The following CDH1 variants were observed in gnomAD, a reference collection of about 807,000 sequenced individuals.
CDH1 encodes cadherin 1.
A neutral mutation model predicts 84.5 loss-of-function variants in CDH1; 35 were observed. The observed-to-expected ratio is 0.41, with a 90% confidence interval of 0.32 to 0.55. The LOEUF is 0.55. Ranked by LOEUF, CDH1 falls within the 20% of genes least tolerant of loss-of-function variation. The pLI is 0.19. For missense variants in CDH1, 994 were observed against 1,126.6 expected, an observed-to-expected ratio of 0.88 and a Z score of 1.68; for synonymous variants, 417 against 439.0, an observed-to-expected ratio of 0.95 and a Z score of 0.63.
chr16:68,738,964 T>TTTTTTTTTTTTTCA (rs555202424), intron 2 of CDH1, among the ~76,000 whole-genome samples: 1 of 65,364 alleles, frequency 1.5e-5, no homozygotes, highest in Non-Finnish European at 2.8e-5. Flanking sequence ...TTTTTTTTTT[T>TTTTTTTTTTTTTCA]AAAGACAGGG....
At chr16:68,783,559 A>T (rs913657745) in intron 2 of CDH1, among the ~76,000 whole-genome samples, 1 of 152,150 alleles carries the variant, frequency 6.6e-6, no homozygotes, top group Non-Finnish European at 1.5e-5. Flanking sequence ...CCTTCTGAAG[A>T]TATTCTAAGC....
At chr16:68,832,172 G>C (rs1961501532) in intron 15 of CDH1, among the ~76,000 whole-genome samples, 1 of 151,914 alleles carries the variant, frequency 6.6e-6, no homozygotes, top group South Asian at 2.1e-4. Flanking sequence ...ATAACTACTG[G>C]GTACTGGGCT....
At chr16:68,780,750 C>G (rs977730022) in intron 2 of CDH1, among the ~76,000 whole-genome samples, 1 of 152,186 alleles carries the variant, frequency 6.6e-6, no homozygotes, top group African/African-American at 2.4e-5. Flanking sequence ...ACCTCATTCT[C>G]GTGATTTCAT....
Position 68,833,561 on chromosome 16 carries a change from G to A in CDH1, c.*62G>A, listed in dbSNP as rs2152144362. On this transcript the variant is annotated 3_prime_UTR_variant, in exon 16 of 16. Coordinates refer to ENST00000261769, the MANE Select transcript of CDH1 (RefSeq NM_004360.5). ...GGGAAATGCAGAAATCACGTTGCTG[G>A]TGGTTTTTCAGCTCCCTTCCCTTGA... 7.2e-7 allele frequency: 1 copy of A among 1,391,670 alleles called. No homozygotes were observed. Among genetic ancestry groups the A allele is most frequent in the Non-Finnish European group, 1.0e-6 (1 of 979,998 alleles). The allele number at this position is 1,391,670 out of a possible 1,614,324, so 86.2% of individuals were successfully genotyped here.
At chr16:68,754,864 A>C (rs936023210) in intron 2 of CDH1, among the ~76,000 whole-genome samples, 2 of 152,188 alleles carry the variant, frequency 1.3e-5, no homozygotes, top group Non-Finnish European at 2.9e-5. Context: ...GATGTATGGA[A>C]GAAAGAATAA....
chr16:68,828,422 G>C, intron 14 of CDH1, 118 bp downstream of exon 14: 1 of 1,004,460 alleles, frequency 1.0e-6, no homozygotes, highest in Non-Finnish European at 1.5e-6. Context: ...ATCTTTTTAA[G>C]GCCTTACCCA....
At chr16:68,803,917 C>T (rs527710573) in intron 3 of CDH1, among the ~76,000 whole-genome samples, 8 of 152,108 alleles carry the variant, frequency 5.3e-5, no homozygotes, top group African/African-American at 1.7e-4. Context: ...CCAGGTTCCC[C>T]CTTTCCTTTT....
intron 2 of CDH1, among the ~76,000 whole-genome samples, chr16:68,771,429 G>A (rs1341262801): frequency 2.0e-5 from 3 of 152,088 alleles, no homozygotes; most frequent in Non-Finnish European, 4.4e-5. Flanking sequence ...TGGGACCATA[G>A]GCACGTGCCA....
At chr16:68,830,835 A>G (rs1345410827) in intron 15 of CDH1, among the ~76,000 whole-genome samples, 2 of 152,192 alleles carry the variant, frequency 1.3e-5, no homozygotes, top group Admixed American at 6.5e-5. Context: ...GTTATTGGCC[A>G]GAACTATCAG....
chr16:68,749,253 G>T (rs2152117098), intron 2 of CDH1, among the ~76,000 whole-genome samples: 1 of 152,338 alleles, frequency 6.6e-6, no homozygotes, highest in African/African-American at 2.4e-5. Context: ...AGAGGAGAAA[G>T]AGGAACAATT....
At chr16:68,809,495 C>A (rs534444585) in intron 5 of CDH1, among the ~76,000 whole-genome samples, 109 of 151,488 alleles carry the variant, frequency 7.2e-4, no homozygotes, top group African/African-American at 2.5e-3. Flanking sequence ...AGCCACTGCA[C>A]CCGGCCTACA....
intron 3 of CDH1, among the ~76,000 whole-genome samples, chr16:68,804,487 T>C (rs1424455147): frequency 6.6e-6 from 1 of 152,166 alleles, no homozygotes; most frequent in East Asian, 1.9e-4. Flanking sequence ...AAATTTAGCC[T>C]CATGACCACA....
chr16:68,756,702 T>G (rs1963026919), intron 2 of CDH1, among the ~76,000 whole-genome samples: 1 of 152,180 alleles, frequency 6.6e-6, no homozygotes, highest in South Asian at 2.1e-4. Context: ...CCTTCTTGTC[T>G]CAAGTCTGCA....
chr16:68,832,838 A>G (rs1345280273), intron 15 of CDH1, among the ~76,000 whole-genome samples: 1 of 151,880 alleles, frequency 6.6e-6, no homozygotes, highest in Non-Finnish European at 1.5e-5. Context: ...AAAGAAAAAG[A>G]AAAAAAATAC....
chr16:68,809,700 A>G (rs1044923699), intron 5 of CDH1, among the ~76,000 whole-genome samples: 1 of 151,364 alleles, frequency 6.6e-6, no homozygotes, highest in East Asian at 2.0e-4. Context: ...TAATTTTTGT[A>G]TTTTTTGTAG....
At chr16:68,780,948 A>G (rs968936335) in intron 2 of CDH1, among the ~76,000 whole-genome samples, 1 of 152,238 alleles carries the variant, frequency 6.6e-6, no homozygotes, top group Non-Finnish European at 1.5e-5. Context: ...TAGCAAGCTC[A>G]ATGCGGCTAC....
At chr16:68,787,443 G>A (rs887106604) in intron 2 of CDH1, among the ~76,000 whole-genome samples, 18 of 151,998 alleles carry the variant, frequency 1.2e-4, no homozygotes, top group African/African-American at 7.3e-5. Flanking sequence ...GTGCCCACAC[G>A]TAATGACTGT....
chr16:68,827,281 T>A (rs913987614), intron 13 of CDH1, among the ~76,000 whole-genome samples: 2 of 151,404 alleles, frequency 1.3e-5, no homozygotes, highest in African/African-American at 2.4e-5. Context: ...AAAATAATAA[T>A]AAATAAATAA....
chr16:68,762,428 G>C (rs1206834040), intron 2 of CDH1, among the ~76,000 whole-genome samples: 1 of 152,188 alleles, frequency 6.6e-6, no homozygotes, highest in Admixed American at 6.5e-5. Flanking sequence ...TGAGTAGTTT[G>C]ATGAGGGGCT....
Sources: gnomAD v4.1 joint callset for allele counts (sites outside exome capture counted in the v4.1 genomes callset) on GRCh38, gnomAD v4.1.1 for gene constraint, MANE v1.5 for transcripts, NCBI Gene and HGNC (gene_info 2026-07-23, HGNC 2026-07-21) for gene names.